Variants in SPEG observed in about 807,000 individuals in gnomAD.
SPEG encodes striated muscle enriched protein kinase, also known as striated muscle preferentially expressed protein kinase.
A neutral mutation model predicts 300.4 loss-of-function variants in SPEG; 114 were observed. The observed-to-expected ratio is 0.38, with a 90% CI of 0.33 to 0.44. The LOEUF is 0.44. Ranked by LOEUF, SPEG falls within the 20% of genes least tolerant of loss-of-function variation. The probability of loss-of-function intolerance (pLI) is 1.00; values close to 1 mark genes in which losing one functional copy is unlikely to be tolerated. For missense variants in SPEG, 4,201 were observed against 4,586.2 expected (o/e 0.92, Z 2.43); for synonymous variants, 1,964 against 2,018.9 (o/e 0.97, Z 0.73).
rs1445326596 is a variant in SPEG at position 219,488,376 on chromosome 2, G to A, written c.7858+66G>A. ...GTGGCCCTGAGCCCAGGGGATGGGA[G>A]GGGCTAGGCCGGAGTGGGGACTGAG... On this transcript the variant is annotated intron_variant, in intron 32 of 40. Coordinates refer to ENST00000312358, the MANE Select transcript of SPEG (RefSeq NM_005876.5). 9 of 1,509,190 alleles carry A rather than the reference G, an allele frequency of 6.0e-6. No individual in the cohort carries two copies. In the Admixed American group the frequency reaches 1.1e-4, roughly 19 times the overall value. 93.5% of individuals were successfully genotyped at this position (1,509,190 alleles called of 1,614,324 possible). A position where few individuals can be genotyped will look rare whatever the true frequency, so the allele number is the denominator to read the frequency against.
intron 6 of SPEG, chr2:219,460,989 G>A (rs1211305697): frequency 4.1e-6 from 4 of 985,464 alleles, no homozygotes; most frequent in Non-Finnish European, 3.6e-6. Context: ...TGTGTGCAGA[G>A]CCTCGGGGTG....
Position 219,473,397 on chromosome 2 carries a change from A to G in SPEG, c.4148-107A>G. 8.0e-6 allele frequency: 9 copies of G among 1,123,736 alleles called. No individual in the cohort carries two copies. Among genetic ancestry groups the G allele is most frequent in the Non-Finnish European group, 1.2e-5 (9 of 762,842 alleles). 69.6% of individuals were successfully genotyped at this position (1,123,736 alleles called of 1,614,324 possible). On this transcript the variant is annotated intron_variant, in intron 16 of 40. Coordinates refer to ENST00000312358, the MANE Select transcript of SPEG (RefSeq NM_005876.5). The surrounding 1 kb of genome is among the most constrained non-coding windows in gnomAD (Gnocchi z 4.6). ...AACCTCTCTGAGCTTCAGCTTTCCC[A>G]TCTGTAAAAACGGAACTCAAGTGTT...
chr2:219,492,135 T>C lies in SPEG; in HGVS notation c.9486T>C (p.Tyr3162=), dbSNP rs1260916841. ...GGCTCAGTGGACGCTCCCCGTTCTA[T>C]GAGCCAGACCCCCAGGAAACGGAGG... is the stretch of plus-strand genomic sequence containing the variant. ...YIMLSGRSPF[Y]EPDPQETEAR... Residue 3162 remains tyrosine, a synonymous_variant, in exon 40 of 41, where the codon TAT becomes TAC. Coordinates refer to ENST00000312358, the MANE Select transcript of SPEG (RefSeq NM_005876.5). The C allele has an allele frequency of 1.2e-6, 2 of 1,613,430 alleles. No individual in the cohort carries two copies. The highest frequency in any genetic ancestry group is 2.2e-5 in the East Asian group (1 of 44,862).
At position 219,484,705 on chromosome 2, in the gene SPEG, C is replaced by T. The variant is rs561486870; in HGVS notation, c.7242C>T (p.Ser2414=). 32 of 1,509,142 alleles carry T rather than the reference C, an allele frequency of 2.1e-5. No homozygotes were observed. In the African/African-American group the frequency reaches 4.0e-4, roughly 19 times the overall value. The allele number at this position is 1,509,142 out of a possible 1,614,324, so 93.5% of individuals were successfully genotyped here. A position where few individuals can be genotyped will look rare whatever the true frequency, so the allele number is the denominator to read the frequency against. The change falls in exon 30 of 41, where the codon TCC becomes TCT. Residue 2414 remains serine (S), a synonymous_variant. Coordinates refer to ENST00000312358, the MANE Select transcript of SPEG (RefSeq NM_005876.5). ...TCCGCCGCCTCTCGCTGTCACTGTC[C>T]CAGCGGCTGCGGCGGACCCCTCCCG... ...GLVRRLSLSL[S]QRLRRTPPAQ...
chr2:219,469,917 GA>G (rs1691724375), intron 13 of SPEG, among the ~76,000 whole-genome samples: 2 of 152,136 alleles, frequency 1.3e-5, no homozygotes, highest in African/African-American at 2.4e-5. Flanking sequence ...AGCAAATAAC[GA>G]AGAAGGGGCC....
In SPEG at chr2:219,443,078, C is replaced by G; in HGVS notation, c.389-1575C>G. ...GGACCTTAGGAACAAGCCTCCCCCT[C>G]AACTACTCATTCTGGCTTTTCTCTT... On this transcript the variant is annotated intron_variant, in intron 1 of 40. Transcript: ENST00000312358. This position sits in a 1 kb window ranked among gnomAD's most constrained non-coding sequence, Gnocchi z 4.6. 1.2e-6 allele frequency: 2 copies of G among 1,607,152 alleles called. No individual in the cohort carries two copies. Among genetic ancestry groups the G allele is most frequent in the Non-Finnish European group, 1.7e-6 (2 of 1,176,172 alleles).
chr2:219,436,486 C>T (rs11896268), intron 1 of SPEG, among the ~76,000 whole-genome samples: 11,856 of 152,276 alleles, frequency 0.078, 1,141 homozygotes, highest in African/African-American at 0.23. Flanking sequence ...TTGGACGTTT[C>T]TAAGAGGGAC....
rs1694054837 is a variant in SPEG at position 219,492,389 on chromosome 2, C to T, written c.9611+129C>T. The T allele has an allele frequency of 2.5e-6, 3 of 1,196,388 alleles. No homozygotes were observed. In the African/African-American group the frequency reaches 4.6e-5, roughly 18 times the overall value. 74.1% of individuals were successfully genotyped at this position (1,196,388 alleles called of 1,614,324 possible). On this transcript the variant is annotated intron_variant, in intron 40 of 40. Coordinates refer to ENST00000312358, the MANE Select transcript of SPEG (RefSeq NM_005876.5). ...TGCTTCTACTAAATGGTCATACTAC[C>T]CACCATTTAAAGCCTGAGGCAGCCC...
In SPEG at chr2:219,479,201, G is replaced by A. The variant is rs771574442; in HGVS notation, c.5085G>A (p.Glu1695=). 2 of 1,613,334 alleles carry A rather than the reference G, an allele frequency of 1.2e-6. No homozygotes were observed. The highest frequency in any genetic ancestry group is 1.1e-5 in the South Asian group (1 of 91,050). ...GGAAACCCACCGTGTGTGAGTCTGAGGTGAGGGCAGTGGGTGGCAGGGGCC... is the reference window on the plus strand; with the variant it reads ...GGAAACCCACCGTGTGTGAGTCTGAAGTGAGGGCAGTGGGTGGCAGGGGCC... ...IARKPTVCES[E]IRAYMRQVLE... The change falls in exon 23 of 41, where the codon GAG becomes GAA. Residue 1695 remains glutamate (E), a splice_region_variant and synonymous_variant. Coordinates refer to ENST00000312358, the MANE Select transcript of SPEG (RefSeq NM_005876.5). This position sits in a 1 kb window ranked among gnomAD's most constrained non-coding sequence, Gnocchi z 5.5.
In SPEG at chr2:219,488,596, G is replaced by A. The variant is rs1693662674; in HGVS notation, c.7957G>A (p.Gly2653Ser). The change falls in exon 33 of 41, where the codon GGT (glycine) becomes AGT (serine). Residue 2653 changes from glycine to serine, a missense_variant. Coordinates refer to ENST00000312358, the MANE Select transcript of SPEG (RefSeq NM_005876.5). The stretch of plus-strand genomic sequence containing the variant: ...CCCCCGGGCGGGCAAGCGGCACGCC[G>A]GTCTCTATGAGTGCTCGGCCACCAA... Reference protein sequence around the residue: ...SIPRAGKRHAGLYECSATNVL... With the variant: ...SIPRAGKRHASLYECSATNVL... 1.2e-6 allele frequency: 2 copies of A among 1,612,258 alleles called. No individual in the cohort carries two copies. The highest frequency in any genetic ancestry group is 2.2e-5 in the East Asian group (1 of 44,848).
chr2:219,489,982 C>G, intron 36 of SPEG, 43 bp downstream of exon 36: 1 of 1,520,400 alleles, frequency 6.6e-7, no homozygotes, highest in Middle Eastern at 1.8e-4. Flanking sequence ...GGGGAGTGGG[C>G]CAAATGTCTG....
chr2:219,467,117 C>T, intron 9 of SPEG, 57 bp from the exon 10 acceptor site: 1 of 1,516,354 alleles, frequency 6.6e-7, no homozygotes. Context: ...ATGTGTGTCT[C>T]CCTCACCCTG....
chr2:219,456,691 T>C (rs1003716801), intron 6 of SPEG, among the ~76,000 whole-genome samples: 4 of 151,916 alleles, frequency 2.6e-5, no homozygotes, highest in Admixed American at 6.6e-5. Context: ...GGGTGGATCA[T>C]GAGGTCAGGA....
chr2:219,457,322 C>T (rs1690270004), intron 6 of SPEG, among the ~76,000 whole-genome samples: 1 of 152,194 alleles, frequency 6.6e-6, no homozygotes, highest in Non-Finnish European at 1.5e-5. Flanking sequence ...GTGGCTCACA[C>T]CTGTAATCCT....
At position 219,476,915 on chromosome 2, in the gene SPEG, C is replaced by T. The variant is rs544209971; in HGVS notation, c.4493C>T (p.Ala1498Val). The change falls in exon 19 of 41, where the codon GCT (alanine) becomes GTT (valine). Residue 1498 changes from alanine (A) to valine (V), a missense_variant. By Grantham distance (64) the Ala-to-Val change is moderately conservative. This residue lies in a region of SPEG where 1,047 missense variants were observed against 1,356.8 expected (regional missense o/e 0.77). Coordinates refer to ENST00000312358, the MANE Select transcript of SPEG (RefSeq NM_005876.5). ...ESIMEDVEVG[A>V]GETARFAVVV... is the part of the protein sequence containing the mutation. The stretch of plus-strand genomic sequence containing the variant: ...ATCATGGAGGACGTGGAGGTGGGGG[C>T]TGGGGAAACTGCTCGCTTTGCGGTG... 3 of 1,613,386 alleles carry T rather than the reference C, an allele frequency of 1.9e-6. No homozygotes were observed. The highest frequency in any genetic ancestry group is 2.2e-5 in the East Asian group (1 of 44,830).
At chr2:219,447,937 C>T in intron 3 of SPEG, 37 bp from the exon 4 acceptor site, 2 of 1,595,886 alleles carry the variant, frequency 1.3e-6, no homozygotes, top group Non-Finnish European at 1.7e-6. Flanking sequence ...GAGGAGGCCC[C>T]CTGAATCCTC....
chr2:219,447,704 G>T (rs1689415536), intron 3 of SPEG, among the ~76,000 whole-genome samples: 1 of 152,104 alleles, frequency 6.6e-6, no homozygotes, highest in Admixed American at 6.5e-5. Flanking sequence ...CCAGGGCTGG[G>T]GGGAGGAGGC....
chr2:219,485,401 C>G lies in SPEG; in HGVS notation c.7665C>G (p.Asp2555Glu), dbSNP rs1693304662. ...LRWGFSRPRK[D>E]KGLSPPNLSA... is the part of the protein sequence containing the mutation. ...GGGGCTTCTCTCGGCCGCGGAAGGA[C>G]AAGGGGTTATCGCCACCAAACCTCT... Residue 2555 changes from aspartate to glutamate, a missense_variant, in exon 31 of 41, where the codon GAC becomes GAG. By Grantham distance (45) the Asp-to-Glu change is conservative. Transcript: ENST00000312358. 1 of 1,608,440 alleles carries G rather than the reference C, an allele frequency of 6.2e-7. No individual in the cohort carries two copies. Among genetic ancestry groups the G allele is most frequent in the Non-Finnish European group, 8.5e-7 (1 of 1,177,592 alleles).
In SPEG at chr2:219,451,729, G is replaced by C; in HGVS notation, c.2362G>C (p.Asp788His). 6.4e-7 allele frequency: 1 copy of C among 1,562,832 alleles called. No individual in the cohort carries two copies. The highest frequency in any genetic ancestry group is 8.7e-7 in the Non-Finnish European group (1 of 1,154,268). The change falls in exon 6 of 41, where the codon GAT (aspartate) becomes CAT (histidine). Residue 788 changes from aspartate (D) to histidine (H), a missense_variant. Around this residue, in one of 4 missense-constraint regions of SPEG, gnomAD observed 1,258 missense variants for 1,293.9 expected, o/e 0.97. Transcript: ENST00000312358. The surrounding 1 kb of genome is among the most constrained non-coding windows in gnomAD (Gnocchi z 6.4). ...GCTGCTCAGGGAGGCCAGGGCAGCAGATGCCGGGAGCTATATGGCCACCGC... is the reference window on the plus strand; with the variant it reads ...GCTGCTCAGGGAGGCCAGGGCAGCACATGCCGGGAGCTATATGGCCACCGC... ...TLLLREARAADAGSYMATATN... is the reference protein window; with the variant it reads ...TLLLREARAAHAGSYMATATN...
Sources: gnomAD v4.1 joint callset for allele counts (sites outside exome capture counted in the v4.1 genomes callset) on GRCh38, gnomAD v4.1.1 for gene constraint, gnomAD v4.1.1 regional missense constraint, Gnocchi (gnomAD v3.1) non-coding constraint, MANE v1.5 for transcripts, NCBI Gene and HGNC (gene_info 2026-07-23, HGNC 2026-07-21) for gene names.